HDX: variants seen among roughly 807,000 people sequenced by gnomAD.
HDX encodes the protein chromosome X open reading frame 43.
A neutral mutation model predicts 45.2 loss-of-function variants in HDX; 19 were observed. The observed-to-expected ratio is 0.42, with a 90% CI of 0.29 to 0.62. The LOEUF is 0.62. HDX is among the 20% of genes least tolerant of loss of function. The probability of loss-of-function intolerance (pLI) is 0.20; values close to 1 mark genes in which losing one functional copy is unlikely to be tolerated. For missense variants in HDX, 532 were observed against 493.9 expected, an observed-to-expected ratio of 1.08 and a Z score of -0.73; for synonymous variants, 188 against 172.8, an observed-to-expected ratio of 1.09 and a Z score of -0.69.
intron 9 of HDX, among the ~76,000 whole-genome samples, chrX:84,329,905 A>G (rs2147765633): frequency 9.0e-6 from 1 of 111,322 alleles, no homozygotes; most frequent in South Asian, 3.8e-4. Context: ...CTTTTTGTTA[A>G]TGGCTTATTT....
chrX:84,392,049 T>C (rs1488378575), intron 5 of HDX, among the ~76,000 whole-genome samples: 1 of 111,769 alleles, frequency 8.9e-6, no homozygotes, highest in Non-Finnish European at 1.9e-5. Context: ...TAGGTTTCCT[T>C]CCAGTAGTAT....
At chrX:84,477,808 A>G (rs2040587218) in intron 2 of HDX, among the ~76,000 whole-genome samples, 1 of 111,856 alleles carries the variant, frequency 8.9e-6, no homozygotes, top group Non-Finnish European at 1.9e-5. Flanking sequence ...AAAATAACAA[A>G]TGGTCGGTTC....
rs760511296 is a variant in HDX, at chrX:84,364,573, C to T, written c.1306-2961G>A. On this transcript the variant is annotated intron_variant, in intron 5 of 10. Coordinates refer to ENST00000373177, the MANE Select transcript of HDX (RefSeq NM_001177479.2). ...CTGGAGTGCAGTGGTACAATCTTGG[C>T]TCACTGCAACCTCTGCCTGCCGGAT... Among the ~76,000 whole-genome samples, 10 of 91,747 alleles carry T rather than the reference C, an allele frequency of 1.1e-4. No individual in the cohort carries two copies. The South Asian group carries it at 5.5e-3, about 51-fold the overall frequency. 79.7% of individuals were successfully genotyped at this position (91,747 alleles called of 115,157 possible).
chrX:84,494,634 T>C (rs1196570203), intron 1 of HDX, among the ~76,000 whole-genome samples: 1 of 111,757 alleles, frequency 8.9e-6, no homozygotes, highest in Admixed American at 9.5e-5. Context: ...ACATATATAG[T>C]GTAGAAACAA....
intron 4 of HDX, among the ~76,000 whole-genome samples, chrX:84,461,028 G>A (rs1436040345): frequency 9.1e-6 from 1 of 110,486 alleles, no homozygotes; most frequent in African/African-American, 3.3e-5. Flanking sequence ...AAATTGAAGA[G>A]GACACAACAG....
Position 84,475,367 on chromosome X carries a change from G to T in HDX, c.31C>A (p.Gln11Lys). MNLRSVFTVE[Q>K]QRILQRYYEN... ...TAATAACGCTGTAAAATCCTTTGTTGTTCTACAGTAAATACAGAACGTAGA... is the reference window on the plus strand; with the variant it reads ...TAATAACGCTGTAAAATCCTTTGTTTTTCTACAGTAAATACAGAACGTAGA... The change falls in exon 3 of 11, where the codon CAA (glutamine) becomes AAA (lysine). Residue 11 changes from glutamine (Q) to lysine (K), a missense_variant. Around this residue, in one of 3 missense-constraint regions of HDX, gnomAD observed 376 missense variants for 343.7 expected, o/e 1.09. Coordinates refer to ENST00000373177, the MANE Select transcript of HDX (RefSeq NM_001177479.2). The T allele has an allele frequency of 8.8e-7, 1 of 1,141,829 alleles. No individual in the cohort carries two copies. Among genetic ancestry groups the T allele is most frequent in the Non-Finnish European group, 1.2e-6 (1 of 842,861 alleles). The allele number at this position is 1,141,829 out of a possible 1,213,427, so 94.1% of individuals were successfully genotyped here. A position where few individuals can be genotyped will look rare whatever the true frequency, so the allele number is the denominator to read the frequency against.
chrX:84,357,386 T>C (rs2037512409), intron 6 of HDX, among the ~76,000 whole-genome samples: 2 of 111,552 alleles, frequency 1.8e-5, no homozygotes, highest in African/African-American at 3.3e-5. Context: ...CAAGCAAACA[T>C]ATGAATATCA....
chrX:84,483,187 A>G (rs62613292), intron 2 of HDX, among the ~76,000 whole-genome samples: 1 of 110,861 alleles, frequency 9.0e-6, no homozygotes, highest in Non-Finnish European at 1.9e-5. Context: ...CTGTCGGTGG[A>G]TCTATCATTC....
intron 3 of HDX, among the ~76,000 whole-genome samples, chrX:84,470,324 A>G (rs1356951226): frequency 2.7e-5 from 3 of 111,381 alleles, no homozygotes; most frequent in African/African-American, 9.8e-5. Context: ...ATCTTTTTGT[A>G]GTCTTTACTA....
chrX:84,373,833 C>T (rs1298829642), intron 5 of HDX, among the ~76,000 whole-genome samples: 5 of 111,127 alleles, frequency 4.5e-5, no homozygotes. Flanking sequence ...GAAGCATTCC[C>T]TTTGAAAACT....
intron 5 of HDX, among the ~76,000 whole-genome samples, chrX:84,419,792 C>G (rs1163790281): frequency 8.9e-6 from 1 of 112,089 alleles, no homozygotes; most frequent in Admixed American, 9.4e-5. Flanking sequence ...TCACCCCACC[C>G]TCAGGTTTAG....
chrX:84,426,302 C>G (rs146623044), intron 5 of HDX, among the ~76,000 whole-genome samples: 181 of 110,226 alleles, frequency 1.6e-3, no homozygotes, highest in African/African-American at 5.5e-3. Context: ...ATTTGATAAT[C>G]CCATTCCTAG....
At chrX:84,374,116 T>C (rs749090612) in intron 5 of HDX, among the ~76,000 whole-genome samples, 57 of 110,525 alleles carry the variant, frequency 5.2e-4, no homozygotes, top group African/African-American at 1.5e-3. Context: ...ACACCAATAA[T>C]AGACAAACAG....
chrX:84,333,378 G>T (rs990923714), intron 9 of HDX, among the ~76,000 whole-genome samples: 6 of 111,120 alleles, frequency 5.4e-5, no homozygotes, highest in African/African-American at 1.6e-4. Flanking sequence ...ATTGTCCACA[G>T]AAGAAGTAAA....
At chrX:84,429,140 T>C (rs1269436962) in intron 5 of HDX, among the ~76,000 whole-genome samples, 1 of 110,976 alleles carries the variant, frequency 9.0e-6, no homozygotes, top group African/African-American at 3.3e-5. Context: ...TTATATGTTT[T>C]TTCAAAGTTG....
chrX:84,460,513 T>C (rs987557010), intron 4 of HDX, among the ~76,000 whole-genome samples: 5 of 111,094 alleles, frequency 4.5e-5, no homozygotes, highest in Non-Finnish European at 9.4e-5. Flanking sequence ...AAAAGAAAAA[T>C]GATTCTCAAA....
chrX:84,348,987 A>G (rs1209275055), intron 6 of HDX, among the ~76,000 whole-genome samples: 4 of 111,542 alleles, frequency 3.6e-5, no homozygotes, highest in Non-Finnish European at 7.5e-5. Flanking sequence ...TGAGAATCTG[A>G]TACAGCCTCT....
At chrX:84,374,014 T>G (rs1421493691) in intron 5 of HDX, among the ~76,000 whole-genome samples, 1 of 108,881 alleles carries the variant, frequency 9.2e-6, no homozygotes, top group South Asian at 4.1e-4. Context: ...AAAACCCCAT[T>G]GTCTCAGCCC....
At chrX:84,356,813 G>T (rs1189827462) in intron 6 of HDX, among the ~76,000 whole-genome samples, 4 of 109,721 alleles carry the variant, frequency 3.6e-5, no homozygotes, top group Non-Finnish European at 7.6e-5. Context: ...TAGTAGAGAC[G>T]GGGTTTCACC....
Sources: gnomAD v4.1 joint callset for allele counts (sites outside exome capture counted in the v4.1 genomes callset) on GRCh38, gnomAD v4.1.1 for gene constraint, gnomAD v4.1.1 regional missense constraint, MANE v1.5 for transcripts, NCBI Gene and HGNC (gene_info 2026-07-23, HGNC 2026-07-21) for gene names.